The following SGCZ variants were observed in gnomAD, a reference collection of about 807,000 sequenced individuals.
SGCZ encodes the protein zeta-sarcoglycan.
Under a neutral mutation model 41.3 loss-of-function variants are expected in SGCZ, and 40 were observed. That is an observed-to-expected ratio of 0.97 (90% CI 0.75 to 1.26). SGCZ has a LOEUF of 1.26. Among genes scored for constraint, SGCZ ranks in the 50% most tolerant of loss-of-function variants. SGCZ has a pLI of 0.00. For missense variants in SGCZ, 552 were observed against 369.8 expected, an observed-to-expected ratio of 1.49 and a Z score of -4.04; for synonymous variants, 206 against 137.5, an observed-to-expected ratio of 1.50 and a Z score of -3.49.
At chr8:14,213,937 T>G (rs1315356198) in intron 4 of SGCZ, among the ~76,000 whole-genome samples, 2 of 152,120 alleles carry the variant, frequency 1.3e-5, no homozygotes, top group African/African-American at 4.8e-5. Context: ...TGGAAAAACT[T>G]AACTCCCAGC....
intron 2 of SGCZ, among the ~76,000 whole-genome samples, chr8:14,509,888 G>A (rs1301799231): frequency 2.6e-5 from 4 of 152,016 alleles, no homozygotes; most frequent in African/African-American, 9.7e-5. Flanking sequence ...GATTTCATGA[G>A]AACTCACTCA....
chr8:14,350,434 G>C (rs1232430353), intron 2 of SGCZ, among the ~76,000 whole-genome samples: 1 of 152,064 alleles, frequency 6.6e-6, no homozygotes, highest in Admixed American at 6.6e-5. Context: ...TAATCATTCT[G>C]TTGCTACTGA....
rs369326433 is a variant in SGCZ at position 14,558,687 on chromosome 8, C to CA, written c.40-3762dup. On this transcript the variant is annotated intron_variant, in intron 1 of 7. Coordinates refer to ENST00000382080, the MANE Select transcript of SGCZ (RefSeq NM_139167.4). ...CCAGGAAAGGACATAACAATGACAA[C>CA]AAAAAACTACGGACCAATATCCCTC... Among the ~76,000 whole-genome samples the CA allele has an allele frequency of 2.4e-3, 353 of 149,848 alleles. 2 individuals carry two copies. Among genetic ancestry groups the CA allele is most frequent in the African/African-American group, 8.3e-3 (337 of 40,682 alleles).
At chr8:15,066,127 T>C (rs907571517) in intron 1 of SGCZ, among the ~76,000 whole-genome samples, 2 of 151,304 alleles carry the variant, frequency 1.3e-5, no homozygotes, top group African/African-American at 4.9e-5. Flanking sequence ...GCTAACAAGG[T>C]GAAACCCCGT....
chr8:15,101,851 G>C (rs966928006), intron 1 of SGCZ, among the ~76,000 whole-genome samples: 10 of 152,174 alleles, frequency 6.6e-5, no homozygotes, highest in African/African-American at 2.2e-4. Context: ...CTTGAACCGG[G>C]GAGGCGGAGG....
At chr8:14,780,058 T>G (rs1344455810) in intron 1 of SGCZ, among the ~76,000 whole-genome samples, 2 of 152,016 alleles carry the variant, frequency 1.3e-5, no homozygotes, top group Non-Finnish European at 2.9e-5. Flanking sequence ...GGAGGCTGAC[T>G]ACTGAAGAAG....
intron 7 of SGCZ, among the ~76,000 whole-genome samples, chr8:14,094,197 G>A (rs972772268): frequency 2.0e-5 from 3 of 151,952 alleles, no homozygotes; most frequent in Admixed American, 6.6e-5. Context: ...GAATATGCAG[G>A]TTTGTTACAT....
chr8:14,486,267 G>A (rs1332864198), intron 2 of SGCZ, among the ~76,000 whole-genome samples: 1 of 152,042 alleles, frequency 6.6e-6, no homozygotes, highest in African/African-American at 2.4e-5. Flanking sequence ...TGTAGTTCCT[G>A]TGGAACCAGA....
chr8:14,334,369 T>C (rs1432892248), intron 2 of SGCZ, among the ~76,000 whole-genome samples: 1 of 152,130 alleles, frequency 6.6e-6, no homozygotes, highest in Non-Finnish European at 1.5e-5. Context: ...ATTTTTTTCC[T>C]CATTTTATGT....
At chr8:14,423,005 G>T (rs1387219193) in intron 2 of SGCZ, among the ~76,000 whole-genome samples, 6 of 152,174 alleles carry the variant, frequency 3.9e-5, no homozygotes, top group Admixed American at 3.9e-4. Flanking sequence ...TCCAGCCTGG[G>T]CAACAGTGTG....
intron 3 of SGCZ, among the ~76,000 whole-genome samples, chr8:14,320,545 G>A (rs1801884317): frequency 1.3e-5 from 2 of 151,982 alleles, no homozygotes; most frequent in African/African-American, 4.8e-5. Flanking sequence ...CTTTTTGTCT[G>A]AATTCTATAA....
At chr8:15,040,617 A>C (rs1468532333) in intron 1 of SGCZ, among the ~76,000 whole-genome samples, 1 of 152,156 alleles carries the variant, frequency 6.6e-6, no homozygotes, top group African/African-American at 2.4e-5. Flanking sequence ...GCAAAACTCT[A>C]TCTCAAAACA....
At chr8:14,821,550 G>C (rs564834642) in intron 1 of SGCZ, among the ~76,000 whole-genome samples, 1 of 151,972 alleles carries the variant, frequency 6.6e-6, no homozygotes, top group South Asian at 2.1e-4. Context: ...GATGAACATA[G>C]ATGTAAAAAT....
At chr8:14,575,897 C>A (rs1221238239) in intron 1 of SGCZ, among the ~76,000 whole-genome samples, 1 of 124,722 alleles carries the variant, frequency 8.0e-6, no homozygotes, top group Admixed American at 9.2e-5. Flanking sequence ...CAGAGTGAGA[C>A]CCTGTCTCAA....
intron 4 of SGCZ, among the ~76,000 whole-genome samples, chr8:14,177,741 G>C (rs577388546): frequency 6.8e-6 from 1 of 146,420 alleles, no homozygotes; most frequent in African/African-American, 2.5e-5. Flanking sequence ...AGCCAGGATG[G>C]TCTCGATCTC....
chr8:15,067,256 C>G (rs949471138), intron 1 of SGCZ, among the ~76,000 whole-genome samples: 2 of 152,200 alleles, frequency 1.3e-5, no homozygotes, highest in Non-Finnish European at 2.9e-5. Context: ...ACTACACCCA[C>G]CCTGCACACA....
At chr8:15,097,509 G>A (rs941460721) in intron 1 of SGCZ, among the ~76,000 whole-genome samples, 14 of 151,876 alleles carry the variant, frequency 9.2e-5, no homozygotes, top group Admixed American at 2.0e-4. Context: ...AGCACTTTGG[G>A]AGGCCAAGAT....
chr8:14,745,185 T>G (rs1563241608), intron 1 of SGCZ, among the ~76,000 whole-genome samples: 1 of 149,406 alleles, frequency 6.7e-6, no homozygotes, highest in Non-Finnish European at 1.5e-5. Context: ...CACTTCATTT[T>G]CTGTTGATGA....
At chr8:14,825,424 G>T (rs754910848) in intron 1 of SGCZ, among the ~76,000 whole-genome samples, 1 of 152,004 alleles carries the variant, frequency 6.6e-6, no homozygotes, top group Non-Finnish European at 1.5e-5. Context: ...TATAAAAATC[G>T]TTTCATCATT....
Sources: gnomAD v4.1 joint callset for allele counts (sites outside exome capture counted in the v4.1 genomes callset) on GRCh38, gnomAD v4.1.1 for gene constraint, MANE v1.5 for transcripts, NCBI Gene and HGNC (gene_info 2026-07-23, HGNC 2026-07-21) for gene names.